Variants in MYLK4 observed in about 807,000 individuals in gnomAD.
MYLK4 encodes caMLCK like.
MYLK4 carries 46 observed loss-of-function variants against 48.1 expected under a neutral mutation model. The observed-to-expected ratio is 0.96, with a 90% CI of 0.75 to 1.22. The LOEUF (loss-of-function observed/expected upper bound fraction) is 1.22, where lower values mean the gene tolerates loss of function less well. Among genes scored for constraint, MYLK4 ranks in the 50% most tolerant of loss-of-function variants. The probability of loss-of-function intolerance (pLI) is 0.00; values close to 1 mark genes in which losing one functional copy is unlikely to be tolerated. For synonymous variants in MYLK4, 170 were observed against 180.8 expected (o/e 0.94, Z 0.48); for missense variants, 451 against 486.1 (o/e 0.93, Z 0.68).
the MYLK4 span, among the ~76,000 whole-genome samples, chr6:2,766,625 G>A: frequency 2.0e-5 from 3 of 152,336 alleles, no homozygotes; most frequent in East Asian, 5.8e-4. Flanking sequence ...TGATGGGTGT[G>A]AAAAGGGCAC....
the MYLK4 span, among the ~76,000 whole-genome samples, chr6:2,762,307 A>T: frequency 1.3e-5 from 2 of 152,230 alleles, no homozygotes; most frequent in Non-Finnish European, 2.9e-5. Flanking sequence ...GTCTATATGC[A>T]ACTCTACTGT....
the MYLK4 span, among the ~76,000 whole-genome samples, chr6:2,762,676 T>C: frequency 6.6e-6 from 1 of 152,250 alleles, no homozygotes; most frequent in Non-Finnish European, 1.5e-5. Flanking sequence ...TTACTCTCAT[T>C]AACTTGATGA....
chr6:2,705,390 TGC>T (rs1762447576), intron 2 of MYLK4, among the ~76,000 whole-genome samples: 1 of 152,180 alleles, frequency 6.6e-6, no homozygotes, highest in African/African-American at 2.4e-5. Flanking sequence ...TCTCAAGCAT[TGC>T]TTGGAGGTAG....
chr6:2,765,510 G>C, the MYLK4 span: 1 of 1,264,310 alleles, frequency 7.9e-7, no homozygotes, highest in Non-Finnish European at 1.0e-6. Context: ...GCGTCCTGCT[G>C]GTTCCCCGAG....
intron 2 of MYLK4, among the ~76,000 whole-genome samples, chr6:2,734,867 T>C (rs1763613212): frequency 6.6e-6 from 1 of 152,194 alleles, no homozygotes; most frequent in Admixed American, 6.5e-5. Flanking sequence ...TCAGGAACCC[T>C]GATGATATGC....
At chr6:2,769,775 G>A in the MYLK4 span, among the ~76,000 whole-genome samples, 3 of 152,268 alleles carry the variant, frequency 2.0e-5, no homozygotes, top group African/African-American at 7.2e-5. Flanking sequence ...ATAAATAGCT[G>A]TTACATATAA....
chr6:2,716,694 G>C (rs1324493), intron 2 of MYLK4, among the ~76,000 whole-genome samples: 129,760 of 152,184 alleles, frequency 0.85, 55,411 homozygotes, highest in Admixed American at 0.89. Flanking sequence ...AATTGGTCAA[G>C]AACCTAGGTT....
At chr6:2,766,412 C>T in the MYLK4 span, 8 of 1,599,962 alleles carry the variant, frequency 5.0e-6, no homozygotes, top group East Asian at 6.8e-5. Context: ...AATCCCCTCG[C>T]TTATCCTGTG....
intron 4 of MYLK4, among the ~76,000 whole-genome samples, chr6:2,687,988 C>A (rs2113150505): frequency 6.6e-6 from 1 of 152,154 alleles, no homozygotes; most frequent in South Asian, 2.1e-4. Context: ...AGAAGAACAC[C>A]CTCTCCCCAC....
chr6:2,681,968 T>C (rs1003191065), intron 7 of MYLK4, among the ~76,000 whole-genome samples: 3 of 152,170 alleles, frequency 2.0e-5, no homozygotes, highest in African/African-American at 4.8e-5. Context: ...ATAGTGAGGG[T>C]TTTGCTAATG....
intron 11 of MYLK4, among the ~76,000 whole-genome samples, chr6:2,674,621 C>A (rs965725740): frequency 2.6e-5 from 4 of 152,186 alleles, no homozygotes; most frequent in Non-Finnish European, 5.9e-5. Context: ...GGCCTGTAAT[C>A]CCAGCACTAT....
intron 9 of MYLK4, 27 bp downstream of exon 9, chr6:2,679,253 G>C (rs1310528486): frequency 6.2e-7 from 1 of 1,613,146 alleles, no homozygotes; most frequent in African/African-American, 1.3e-5. Context: ...GTTGGAGAAG[G>C]GTCAGAGACA....
rs1173691378 is a variant in MYLK4, at chr6:2,664,015, G to T, written c.*3910C>A. ...ACAGCGCACTAAAATGGAGCAAAAA[G>T]AAATATAGAACACTTCTAACTGAGA... On this transcript the variant is annotated 3_prime_UTR_variant, in exon 13 of 13. Transcript: ENST00000274643. The T allele has an allele frequency of 6.6e-6, 1 of 152,194 alleles. No homozygotes were observed. Among genetic ancestry groups the T allele is most frequent in the African/African-American group, 2.4e-5 (1 of 41,448 alleles). The allele number at this position is 152,194 out of a possible 1,614,324, so 9.4% of individuals were successfully genotyped here. A position where few individuals can be genotyped will look rare whatever the true frequency, so the allele number is the denominator to read the frequency against.
chr6:2,753,964 C>A, upstream of MYLK4, among the ~76,000 whole-genome samples: 1 of 147,436 alleles, frequency 6.8e-6, no homozygotes, highest in African/African-American at 2.5e-5. Flanking sequence ...AGTTTGAGAC[C>A]AGCCTGGGCA....
At chr6:2,707,980 T>C (rs1252574130) in intron 2 of MYLK4, among the ~76,000 whole-genome samples, 2 of 152,208 alleles carry the variant, frequency 1.3e-5, no homozygotes, top group African/African-American at 2.4e-5. Context: ...CATTTAACCA[T>C]ATTCACATTC....
chr6:2,699,066 A>G (rs987044650), intron 2 of MYLK4, among the ~76,000 whole-genome samples: 3 of 152,146 alleles, frequency 2.0e-5, no homozygotes, highest in Non-Finnish European at 4.4e-5. Flanking sequence ...CTTTCCATGC[A>G]CCCACAATTA....
the MYLK4 span, chr6:2,766,481 T>C: frequency 2.7e-6 from 4 of 1,461,412 alleles, no homozygotes; most frequent in African/African-American, 1.4e-5. Context: ...TCCGTAGTTA[T>C]CTCGGCGGTG....
At chr6:2,766,209 C>T in the MYLK4 span, 1 of 1,453,904 alleles carries the variant, frequency 6.9e-7, no homozygotes, top group South Asian at 1.4e-5. Context: ...GCTGCCGAAG[C>T]CGCCACCGCC....
rs1013180659 is a variant in MYLK4 at position 2,667,377 on chromosome 6, C to T, written c.*548G>A. The T allele has an allele frequency of 6.6e-6, 1 of 152,210 alleles. No individual in the cohort carries two copies. The highest frequency in any genetic ancestry group is 1.9e-4 in the East Asian group (1 of 5,194). 9.4% of individuals were successfully genotyped at this position (152,210 alleles called of 1,614,324 possible). ...ACAAATTATTTATCCATTGTAGTCA[C>T]GTGACCACAGACCAAATCAAAATGA... On this transcript the variant is annotated 3_prime_UTR_variant, in exon 13 of 13. Transcript: ENST00000274643.
Sources: gnomAD v4.1 joint callset for allele counts (sites outside exome capture counted in the v4.1 genomes callset) on GRCh38, gnomAD v4.1.1 for gene constraint, MANE v1.5 for transcripts, NCBI Gene and HGNC (gene_info 2026-07-23, HGNC 2026-07-21) for gene names.